CBX5: variants seen among roughly 807,000 people sequenced by gnomAD.
The protein encoded by CBX5 is chromobox protein homolog 5.
CBX5 carries 7 observed loss-of-function variants against 20.7 expected under a neutral mutation model. That is an observed-to-expected ratio of 0.34 (90% CI 0.19 to 0.63). CBX5 has a LOEUF of 0.63. CBX5 is among the 30% of genes least tolerant of loss of function. The pLI is 0.75. For synonymous variants in CBX5, 78 were observed against 77.0 expected (o/e 1.01, Z -0.07); for missense variants, 110 against 224.1 (o/e 0.49, Z 3.25).
chr12:54,250,778 G>A (rs1232610460), intron 3 of CBX5, among the ~76,000 whole-genome samples: 5 of 110,398 alleles, frequency 4.5e-5, no homozygotes, highest in African/African-American at 1.1e-4. Context: ...GCAGTCCGCA[G>A]TCCGGCCTGT....
intron 3 of CBX5, 141 bp downstream of exon 3, chr12:54,251,899 TC>T: frequency 1.5e-6 from 1 of 650,202 alleles, no homozygotes; most frequent in East Asian, 3.2e-5. Flanking sequence ...TCAACATACC[TC>T]CCTGGAAGCT....
chr12:54,252,281 G>A (rs1465459325), intron 2 of CBX5, 54 bp from the exon 3 acceptor site: 62 of 1,329,808 alleles, frequency 4.7e-5, no homozygotes, highest in Non-Finnish European at 5.7e-5. Context: ...AAAGAATGAG[G>A]AAAAAAATCC....
At chr12:54,265,190 T>G (rs548149456) in intron 1 of CBX5, among the ~76,000 whole-genome samples, 2 of 152,332 alleles carry the variant, frequency 1.3e-5, no homozygotes, top group Admixed American at 1.3e-4. Flanking sequence ...AATTGTCAGC[T>G]ACAGCACTGT....
chr12:54,268,069 G>C, intron 1 of CBX5, among the ~76,000 whole-genome samples: 1 of 152,182 alleles, frequency 6.6e-6, no homozygotes, highest in Admixed American at 6.5e-5. Flanking sequence ...GCTTGAACCC[G>C]GGAGACGGAG....
chr12:54,253,282 G>A (rs1404408852), intron 2 of CBX5, among the ~76,000 whole-genome samples: 1 of 152,020 alleles, frequency 6.6e-6, no homozygotes, highest in Non-Finnish European at 1.5e-5. Context: ...GGGCTTGGTG[G>A]TGCACACCTG....
rs1440789661 is a variant in CBX5, at chr12:54,237,045, A to G, written c.*4710T>C. 1 of 152,248 alleles carries G rather than the reference A, an allele frequency of 6.6e-6. No individual in the cohort carries two copies. The highest frequency in any genetic ancestry group is 1.5e-5 in the Non-Finnish European group (1 of 68,048). 9.4% of individuals were successfully genotyped at this position (152,248 alleles called of 1,614,324 possible). A position where few individuals can be genotyped will look rare whatever the true frequency, so the allele number is the denominator to read the frequency against. On this transcript the variant is annotated 3_prime_UTR_variant, in exon 5 of 5. Transcript: ENST00000209875. ...CAATCTTTCATTAATGACACAAAGTAGAATGCACAAAGTAGTATGCAGTAT... is the reference window on the plus strand; with the variant it reads ...CAATCTTTCATTAATGACACAAAGTGGAATGCACAAAGTAGTATGCAGTAT...
At chr12:54,254,555 A>G (rs1943844792) in intron 2 of CBX5, among the ~76,000 whole-genome samples, 1 of 150,530 alleles carries the variant, frequency 6.6e-6, no homozygotes, top group Non-Finnish European at 1.5e-5. Context: ...TTCTCTCAGC[A>G]GAAAAAAAAT....
intron 1 of CBX5, among the ~76,000 whole-genome samples, chr12:54,266,056 A>G (rs1004803324): frequency 4.7e-5 from 7 of 150,256 alleles, no homozygotes; most frequent in African/African-American, 1.7e-4. Flanking sequence ...TAAAAAAAAA[A>G]AAAACCAGGC....
At chr12:54,264,070 T>G (rs1471078665) in intron 1 of CBX5, among the ~76,000 whole-genome samples, 2 of 152,172 alleles carry the variant, frequency 1.3e-5, no homozygotes, top group Non-Finnish European at 2.9e-5. Flanking sequence ...TGGTTAGCCC[T>G]CAGCATTGAC....
intron 2 of CBX5, among the ~76,000 whole-genome samples, chr12:54,254,543 CCTT>C (rs1439613846): frequency 3.3e-5 from 5 of 151,030 alleles, no homozygotes; most frequent in Non-Finnish European, 7.4e-5. Flanking sequence ...CCTTTATATC[CCTT>C]CTCTCAGCAG....
chr12:54,253,424 C>A (rs1190888638), intron 2 of CBX5, among the ~76,000 whole-genome samples: 1 of 151,548 alleles, frequency 6.6e-6, no homozygotes, highest in African/African-American at 2.4e-5. Flanking sequence ...CAAAAAAAAA[C>A]AATAATAATA....
chr12:54,252,248 A>G, intron 2 of CBX5, 21 bp from the exon 3 acceptor site: 1 of 1,544,906 alleles, frequency 6.5e-7, no homozygotes, highest in East Asian at 2.3e-5. Context: ...AAAATGGGAA[A>G]ATTAAAAAAA....
chr12:54,243,233 C>T (rs546587753), intron 4 of CBX5, among the ~76,000 whole-genome samples: 2 of 152,188 alleles, frequency 1.3e-5, no homozygotes, highest in African/African-American at 4.8e-5. Flanking sequence ...TGGAAAAAGC[C>T]AATTAATGTT....
chr12:54,248,528 G>A (rs1027219880), intron 3 of CBX5, among the ~76,000 whole-genome samples: 13 of 152,148 alleles, frequency 8.5e-5, no homozygotes, highest in Non-Finnish European at 1.6e-4. Context: ...GACATTCCAC[G>A]CGTGGATCAA....
intron 1 of CBX5, among the ~76,000 whole-genome samples, chr12:54,266,930 CTAAACCCACCACTGGGCAAGAGGTTA>C (rs1943962864): frequency 6.6e-6 from 1 of 152,110 alleles, no homozygotes; most frequent in Non-Finnish European, 1.5e-5. Flanking sequence ...TAGGGTACAC[CTAAACCCACCACTGGGCAAGAGGTTA>C]AATATCCAAT....
chr12:54,254,332 A>C (rs1217371282), intron 2 of CBX5, among the ~76,000 whole-genome samples: 2 of 41,536 alleles, frequency 4.8e-5, no homozygotes, highest in African/African-American at 2.4e-4. Flanking sequence ...ACTCCATCTC[A>C]AAAAAAAAAA....
chr12:54,272,427 T>C (rs1944018794), intron 1 of CBX5: 3 of 152,190 alleles, frequency 2.0e-5, no homozygotes, highest in Admixed American at 2.0e-4. Flanking sequence ...AAATTTTTAC[T>C]CTATGACCTA....
intron 4 of CBX5, among the ~76,000 whole-genome samples, chr12:54,244,865 G>T (rs1943718245): frequency 6.6e-6 from 1 of 152,008 alleles, no homozygotes; most frequent in Admixed American, 6.6e-5. Flanking sequence ...TTCTCTTTTA[G>T]ACATTATTCA....
chr12:54,278,320 G>GA (rs2137035589), intron 1 of CBX5, among the ~76,000 whole-genome samples: 1 of 152,310 alleles, frequency 6.6e-6, no homozygotes, highest in East Asian at 1.9e-4. Flanking sequence ...ATCCAGGACA[G>GA]ATACCCTTAA....
Sources: gnomAD v4.1 joint callset for allele counts (sites outside exome capture counted in the v4.1 genomes callset) on GRCh38, gnomAD v4.1.1 for gene constraint, MANE v1.5 for transcripts, NCBI Gene and HGNC (gene_info 2026-07-23, HGNC 2026-07-21) for gene names.